SLX4: variants seen among roughly 807,000 people sequenced by gnomAD.
The protein encoded by SLX4 is SLX4 structure-specific endonuclease subunit.
Under a neutral mutation model 146.2 loss-of-function variants are expected in SLX4, and 112 were observed. That is an observed-to-expected ratio of 0.77 (90% CI 0.66 to 0.90). SLX4 has a LOEUF of 0.90. Ranked by LOEUF, SLX4 falls within the 40% of genes least tolerant of loss-of-function variation. The pLI, the probability that SLX4 is intolerant of heterozygous loss-of-function variation, is 0.00. For synonymous variants in SLX4, 1,061 were observed against 997.7 expected (o/e 1.06, Z -1.20); for missense variants, 2,563 against 2,392.7 (o/e 1.07, Z -1.49).
At chr16:3,596,951 T>G (rs1567173661) in intron 7 of SLX4, among the ~76,000 whole-genome samples, 2 of 152,060 alleles carry the variant, frequency 1.3e-5, no homozygotes, top group African/African-American at 2.4e-5. Context: ...GTCTCCCAAG[T>G]AACTGGGATT....
chr16:3,600,083 T>C (rs982609670), intron 5 of SLX4, among the ~76,000 whole-genome samples: 6 of 152,206 alleles, frequency 3.9e-5, no homozygotes, highest in African/African-American at 1.4e-4. Flanking sequence ...AATTTTTCCA[T>C]GGGACAGGAG....
chr16:3,605,697 C>CA (rs1419973497), intron 3 of SLX4, among the ~76,000 whole-genome samples: 1 of 151,930 alleles, frequency 6.6e-6, no homozygotes, highest in Non-Finnish European at 1.5e-5. Context: ...CCTGTAATCC[C>CA]AGCACTTTGG....
rs775018284 is a variant in SLX4, at chr16:3,583,356, G to C, written c.4894C>G (p.Gln1632Glu). The C allele has an allele frequency of 6.2e-7, 1 of 1,613,306 alleles. No homozygotes were observed. Among genetic ancestry groups the C allele is most frequent in the East Asian group, 2.2e-5 (1 of 44,874 alleles). Reference sequence around the variant, plus strand: ...CCTGCCCTTGAAGGCTTGTAGGTCTGGGAGGCGAGGGTCTGGCAGTGAGGC... The same window carrying C: ...CCTGCCCTTGAAGGCTTGTAGGTCTCGGAGGCGAGGGTCTGGCAGTGAGGC... ...QAPHCQTLASQTYKPSRAGVH... is the reference protein window; with the variant it reads ...QAPHCQTLASETYKPSRAGVH... The change falls in exon 14 of 15, where the codon CAG (glutamine) becomes GAG (glutamate). Residue 1632 changes from glutamine (Q) to glutamate (E), a missense_variant. Coordinates refer to ENST00000294008, the MANE Select transcript of SLX4 (RefSeq NM_032444.4).
chr16:3,595,670 G>T lies in SLX4; in HGVS notation c.1948C>A (p.Leu650Ile). The T allele has an allele frequency of 6.2e-7, 1 of 1,614,094 alleles. No homozygotes were observed. The highest frequency in any genetic ancestry group is 8.5e-7 in the Non-Finnish European group (1 of 1,180,040). Reference sequence around the variant, plus strand: ...GGCACCACAAACCCAGTCAGAGGAAGGCCGCCGGGCACCACGTCCAACCCT... The same window carrying T: ...GGCACCACAAACCCAGTCAGAGGAATGCCGCCGGGCACCACGTCCAACCCT... ...TAGLDVVPGG[L>I]PLTGFVVPSQ... Residue 650 changes from leucine to isoleucine, a missense_variant, in exon 9 of 15, where the codon CTT (leucine) becomes ATT (isoleucine). Transcript: ENST00000294008.
At chr16:3,585,734 G>A (rs149583451) in intron 12 of SLX4, among the ~76,000 whole-genome samples, 4 of 146,618 alleles carry the variant, frequency 2.7e-5, no homozygotes, top group African/African-American at 5.1e-5. Flanking sequence ...ACCACTGCAC[G>A]CCCACTAGGA....
rs779660315 is a variant in SLX4, at chr16:3,597,416, C to G, written c.1646G>C (p.Arg549Thr). 2.5e-6 allele frequency: 4 copies of G among 1,602,194 alleles called. No homozygotes were observed. The Admixed American group carries it at 6.9e-5, about 28-fold the overall frequency. The part of the protein sequence containing the change: ...AWAMEDFYTA[R>T]LVPPLVPQRP... Reference sequence around the variant, plus strand: ...CTGGGGCACGAGAGGAGGGACCAGCCTGGCCGTGTAGAAGTCCTCCATGGC... The same window carrying G: ...CTGGGGCACGAGAGGAGGGACCAGCGTGGCCGTGTAGAAGTCCTCCATGGC... Residue 549 changes from arginine (R) to threonine (T), a missense_variant, in exon 7 of 15, where the codon AGG (arginine) becomes ACG (threonine). By Grantham distance (71) the Arg-to-Thr change is moderately conservative (BLOSUM62 -1). Coordinates refer to ENST00000294008, the MANE Select transcript of SLX4 (RefSeq NM_032444.4). The surrounding 1 kb of genome is among the most constrained non-coding windows in gnomAD (Gnocchi z 4.4).
intron 10 of SLX4, among the ~76,000 whole-genome samples, chr16:3,593,488 G>A (rs531360780): frequency 6.6e-6 from 1 of 152,200 alleles, no homozygotes; most frequent in African/African-American, 2.4e-5. Context: ...AAAGTACGGG[G>A]ATCTCAGGCA....
At chr16:3,595,466 A>T in intron 9 of SLX4, 139 bp downstream of exon 9, 1 of 911,570 alleles carries the variant, frequency 1.1e-6, no homozygotes, top group Non-Finnish European at 1.7e-6. Context: ...AGGATGTGGC[A>T]GCCTTCTGGA....
chr16:3,582,469 G>A lies in SLX4; in HGVS notation c.5378C>T (p.Ser1793Phe). Reference sequence around the variant, plus strand: ...CAGGAAGTCCAACAGCCTGCGCGAGGACACACGGAGGCCGTTCTGCCTCAG... The same window carrying A: ...CAGGAAGTCCAACAGCCTGCGCGAGAACACACGGAGGCCGTTCTGCCTCAG... ...AELRQNGLRVSSRRLLDFLDT... is the reference protein window; with the variant it reads ...AELRQNGLRVFSRRLLDFLDT... The change falls in exon 15 of 15, where the codon TCC becomes TTC. Residue 1793 changes from serine to phenylalanine, a missense_variant. Coordinates refer to ENST00000294008, the MANE Select transcript of SLX4 (RefSeq NM_032444.4). 1 of 1,614,024 alleles carries A rather than the reference G, an allele frequency of 6.2e-7. No individual in the cohort carries two copies. Among genetic ancestry groups the A allele is most frequent in the Non-Finnish European group, 8.5e-7 (1 of 1,180,038 alleles).
intron 11 of SLX4, among the ~76,000 whole-genome samples, chr16:3,591,760 C>CA (rs1046981553): frequency 2.6e-5 from 4 of 151,996 alleles, no homozygotes; most frequent in African/African-American, 9.7e-5. Context: ...TCCATCTCTA[C>CA]AAAAAAATGT....
At chr16:3,587,541 G>A (rs769951317) in intron 12 of SLX4, among the ~76,000 whole-genome samples, 10 of 152,176 alleles carry the variant, frequency 6.6e-5, no homozygotes, top group Admixed American at 1.3e-4. Context: ...TTGAGCCCCC[G>A]ATGAAAGCGG....
chr16:3,601,508 G>A (rs1050718296), intron 4 of SLX4: 3 of 414,780 alleles, frequency 7.2e-6, no homozygotes, highest in Non-Finnish European at 9.0e-6. Context: ...CCATGTTCAC[G>A]GCAGCTCTAT....
intron 13 of SLX4, among the ~76,000 whole-genome samples, chr16:3,584,042 A>G (rs1157613470): frequency 6.6e-6 from 1 of 151,978 alleles, no homozygotes; most frequent in African/African-American, 2.4e-5. Context: ...CCCAGTTCTG[A>G]GGGATGGTGG....
At chr16:3,601,386 G>A in intron 4 of SLX4, 195 bp from the exon 5 acceptor site, 10 of 622,674 alleles carry the variant, frequency 1.6e-5, no homozygotes, top group Non-Finnish European at 2.3e-5. Flanking sequence ...AGCAAAGTTG[G>A]CTAAAGAAAG....
rs750954756 is a variant in SLX4 at position 3,602,177 on chromosome 16, C to G, written c.891G>C (p.Gln297His). 9 of 1,614,170 alleles carry G rather than the reference C, an allele frequency of 5.6e-6. No individual in the cohort carries two copies. The South Asian group carries it at 9.9e-5, about 18-fold the overall frequency. Residue 297 changes from glutamine (Q) to histidine (H), a missense_variant, in exon 4 of 15, where the codon CAG becomes CAC. By Grantham distance (24) the Gln-to-His change is conservative (BLOSUM62 0). Coordinates refer to ENST00000294008, the MANE Select transcript of SLX4 (RefSeq NM_032444.4). ...SLEEKGLFFC[Q>H]ICQKNLSAMN... ...TGGCTGAGAGGTTCTTTTGACAAAT[C>G]TGGCAGAAGAACAAACCCTTTTCCT...
At chr16:3,598,253 C>T (rs1042605211) in intron 5 of SLX4, among the ~76,000 whole-genome samples, 19 of 152,328 alleles carry the variant, frequency 1.2e-4, no homozygotes, top group African/African-American at 4.3e-4. Context: ...GGCAGATGTA[C>T]GGAGCCATCT....
At chr16:3,595,809 C>A in intron 8 of SLX4, 116 bp from the exon 9 acceptor site, 1 of 1,203,094 alleles carries the variant, frequency 8.3e-7, no homozygotes, top group Non-Finnish European at 1.2e-6. Flanking sequence ...AAGGTGCTTG[C>A]TATCCGAGGA....
chr16:3,582,605 G>C lies in SLX4; in HGVS notation c.5242C>G (p.Gln1748Glu), dbSNP rs776789371. 5.0e-6 allele frequency: 8 copies of C among 1,613,610 alleles called. No homozygotes were observed. The highest frequency in any genetic ancestry group is 1.7e-5 in the Admixed American group (1 of 60,018). ...AGCGCCTCGTCTGTGTCCGCCGCCT[G>C]CACGGCTGCCTGCGAGGCACTGACC... ...GEVSASQAAVQAADTDEALRC... is the reference protein window; with the variant it reads ...GEVSASQAAVEAADTDEALRC... The change falls in exon 15 of 15, where the codon CAG (glutamine) becomes GAG (glutamate). Residue 1748 changes from glutamine (Q) to glutamate (E), a missense_variant. By Grantham distance (29) the Gln-to-Glu change is conservative. Transcript: ENST00000294008.
chr16:3,594,417 G>T, intron 10 of SLX4, 36 bp downstream of exon 10: 1 of 1,596,272 alleles, frequency 6.3e-7, no homozygotes, highest in Non-Finnish European at 8.5e-7. Flanking sequence ...GAGGGAGAGA[G>T]AGGAAAGGAG....
Sources: gnomAD v4.1 joint callset for allele counts (sites outside exome capture counted in the v4.1 genomes callset) on GRCh38, gnomAD v4.1.1 for gene constraint, Gnocchi (gnomAD v3.1) non-coding constraint, MANE v1.5 for transcripts, NCBI Gene and HGNC (gene_info 2026-07-23, HGNC 2026-07-21) for gene names.